SUCO: variants seen among roughly 807,000 people sequenced by gnomAD.
The protein encoded by SUCO is SUN domain containing ossification factor.
Under a neutral mutation model 148.1 loss-of-function variants are expected in SUCO, and 57 were observed. That is an observed-to-expected ratio of 0.38 (90% confidence interval 0.31 to 0.48). The LOEUF (loss-of-function observed/expected upper bound fraction) is 0.48. Ranked by LOEUF, SUCO falls within the 20% of genes least tolerant of loss-of-function variation. The pLI is 0.96. For missense variants in SUCO, 1,331 were observed against 1,468.2 expected (o/e 0.91, Z 1.53); for synonymous variants, 470 against 502.7 (o/e 0.93, Z 0.87).
intron 6 of SUCO, among the ~76,000 whole-genome samples, chr1:172,563,494 G>C (rs934033706): frequency 2.0e-5 from 3 of 152,186 alleles, no homozygotes; most frequent in African/African-American, 7.2e-5. Context: ...AAGGATCTGT[G>C]GGACTTTGAA....
At chr1:172,550,940 T>TA in intron 1 of SUCO, 1 of 889,322 alleles carries the variant, frequency 1.1e-6, no homozygotes, top group Non-Finnish European at 1.3e-6. Flanking sequence ...ATAATTGTGG[T>TA]ATATTTCTCC....
intron 19 of SUCO, among the ~76,000 whole-genome samples, chr1:172,596,799 C>T (rs532434085): frequency 6.6e-6 from 1 of 152,208 alleles, no homozygotes; most frequent in Non-Finnish European, 1.5e-5. Flanking sequence ...TGGAGAACCA[C>T]TACTCTCTTC....
At chr1:172,570,753 A>C in intron 9 of SUCO, 23 bp downstream of exon 9, 1 of 1,431,418 alleles carries the variant, frequency 7.0e-7, no homozygotes. Context: ...CAATTTTAAA[A>C]AGTACATTCT....
upstream of SUCO, chr1:172,532,811 A>G (rs990776533): frequency 1.9e-6 from 3 of 1,599,558 alleles, no homozygotes; most frequent in East Asian, 6.7e-5. Context: ...GGTCCACTGT[A>G]AGGGGAAATG....
In SUCO at chr1:172,573,921, A is replaced by G; in HGVS notation, c.1080A>G (p.Gln360=). Residue 360 remains glutamine, a synonymous_variant, in exon 10 of 24, where the codon CAA becomes CAG. Transcript: ENST00000263688. ...WFVIELCEPI[Q]VKQLDIANYE... is the part of the protein sequence containing the mutation. ...TTATTGAACTTTGTGAACCAATTCA[A>G]GTAAAACAGCTTGATATTGCAAATT... 6.2e-7 allele frequency: 1 copy of G among 1,601,114 alleles called. No individual in the cohort carries two copies. The highest frequency in any genetic ancestry group is 1.3e-5 in the African/African-American group (1 of 74,696).
At chr1:172,605,509 A>G (rs1041725595) in intron 22 of SUCO, among the ~76,000 whole-genome samples, 2 of 151,712 alleles carry the variant, frequency 1.3e-5, no homozygotes, top group African/African-American at 4.8e-5. Context: ...ATTTTGTGCC[A>G]TTGGTGTATT....
chr1:172,609,890 T>A lies in SUCO; in HGVS notation c.3396T>A (p.Asn1132Lys), dbSNP rs1009935035. ...KPEEPLHPIA[N>K]GDIKGRKPFT... Reference sequence around the variant, plus strand: ...AAGAACCATTGCACCCCATAGCCAATGGCGACATAAAAGGAAGAAAGCCCT... The same window carrying A: ...AAGAACCATTGCACCCCATAGCCAAAGGCGACATAAAAGGAAGAAAGCCCT... Residue 1132 changes from asparagine to lysine, a missense_variant, in exon 24 of 24, where the codon AAT (asparagine) becomes AAA (lysine). Asn to Lys is a moderately conservative substitution (Grantham distance 94). Around this residue, in one of 3 missense-constraint regions of SUCO, gnomAD observed 334 missense variants for 352.3 expected, o/e 0.95. Coordinates refer to ENST00000263688, the MANE Select transcript of SUCO (RefSeq NM_014283.5). 3.1e-6 allele frequency: 5 copies of A among 1,613,716 alleles called. No individual in the cohort carries two copies. The African/African-American group carries it at 5.3e-5, about 17-fold the overall frequency.
At chr1:172,590,207 T>C in intron 18 of SUCO, 2 of 422,312 alleles carry the variant, frequency 4.7e-6, no homozygotes, top group Non-Finnish European at 6.3e-6. Context: ...CTTTTTTCGG[T>C]TGCTTAACTT....
In SUCO at chr1:172,585,105, G is replaced by A. The variant is rs1014984077; in HGVS notation, c.1567+19G>A. On this transcript the variant is annotated intron_variant, in intron 16 of 23. Coordinates refer to ENST00000263688, the MANE Select transcript of SUCO (RefSeq NM_014283.5). ...ACAGAAGGTACCTAATCATTTTATG[G>A]GTCTTTTAAATAGCTGGTACTCCAG... 6.4e-7 allele frequency: 1 copy of A among 1,566,540 alleles called. No individual in the cohort carries two copies. The highest frequency in any genetic ancestry group is 8.7e-7 in the Non-Finnish European group (1 of 1,149,490).
At chr1:172,603,574 C>A (rs1657668915) in intron 22 of SUCO, among the ~76,000 whole-genome samples, 1 of 151,972 alleles carries the variant, frequency 6.6e-6, no homozygotes, top group Admixed American at 6.6e-5. Context: ...GCTAGTAAAT[C>A]TCTTCTTCCT....
intron 1 of SUCO, among the ~76,000 whole-genome samples, chr1:172,542,118 G>T (rs868095091): frequency 9.2e-5 from 14 of 152,134 alleles, no homozygotes; most frequent in African/African-American, 3.1e-4. Context: ...GGTGGCTTAT[G>T]CCTGTAATCC....
chr1:172,601,991 G>T, intron 20 of SUCO, 73 bp from the exon 21 acceptor site: 1 of 1,391,206 alleles, frequency 7.2e-7, no homozygotes, highest in Non-Finnish European at 9.6e-7. Context: ...TTTGTCCTTT[G>T]AATTTTAGAT....
In SUCO at chr1:172,588,123, G is replaced by A. The variant is rs1656366590; in HGVS notation, c.1659-637G>A. 10 of 985,120 alleles carry A rather than the reference G, an allele frequency of 1.0e-5. No homozygotes were observed. In the South Asian group the frequency reaches 3.8e-4, roughly 37 times the overall value. 61.0% of individuals were successfully genotyped at this position (985,120 alleles called of 1,614,324 possible). On this transcript the variant is annotated intron_variant, in intron 17 of 23. Coordinates refer to ENST00000263688, the MANE Select transcript of SUCO (RefSeq NM_014283.5). ...ATGATAGCAAAATTATTTTAGGAAG[G>A]GAGATATGTTTCTTGTCCTTAAAGT... is the stretch of plus-strand genomic sequence containing the variant.
intron 6 of SUCO, among the ~76,000 whole-genome samples, chr1:172,563,827 G>T (rs1571217363): frequency 6.6e-6 from 1 of 152,312 alleles, no homozygotes; most frequent in African/African-American, 2.4e-5. Flanking sequence ...CTTCATGGCA[G>T]CCCCTCCCAT....
rs1464476552 is a variant in SUCO at position 172,597,211 on chromosome 1, G to A, written c.2914-2853G>A. ...CACAGCTTCCCTTGGCTAGGAAAGG[G>A]AATTCCCTCACCCTTGCACTTCCCG... On this transcript the variant is annotated intron_variant, in intron 19 of 23. Transcript: ENST00000263688. Among the ~76,000 whole-genome samples the A allele has an allele frequency of 2.6e-5, 4 of 152,370 alleles. No homozygotes were observed. In the East Asian group the frequency reaches 7.7e-4, roughly 29 times the overall value.
At chr1:172,600,562 A>G (rs917188861) in intron 20 of SUCO, among the ~76,000 whole-genome samples, 9 of 152,144 alleles carry the variant, frequency 5.9e-5, no homozygotes, top group African/African-American at 1.9e-4. Context: ...GTACACTCCT[A>G]GGTTGTGGTA....
At position 172,570,161 on chromosome 1, in the gene SUCO, C is replaced by T; in HGVS notation, c.971C>T (p.Pro324Leu). ...GGTGCCAAAATTCTAGCAGCTAATC[C>T]AGAAGCCAAGGTAGGTGTTTAAATA... ...ECGAKILAAN[P>L]EAKSTSAILI... Residue 324 changes from proline (P) to leucine (L), a missense_variant, in exon 8 of 24, where the codon CCA becomes CTA. Around this residue, in one of 3 missense-constraint regions of SUCO, gnomAD observed 992 missense variants for 1,093.5 expected, o/e 0.91. Coordinates refer to ENST00000263688, the MANE Select transcript of SUCO (RefSeq NM_014283.5). 1 of 1,576,336 alleles carries T rather than the reference C, an allele frequency of 6.3e-7. No individual in the cohort carries two copies. The highest frequency in any genetic ancestry group is 1.2e-5 in the South Asian group (1 of 83,440).
In SUCO at chr1:172,569,016, C is replaced by T. The variant is rs766683224; in HGVS notation, c.733-3C>T. Reference sequence around the variant, plus strand: ...TCTTCTTACTTTTTGGTGTTTCTTTCAGAGCTCTGATTATACAAAACCAGG... The same window carrying T: ...TCTTCTTACTTTTTGGTGTTTCTTTTAGAGCTCTGATTATACAAAACCAGG... On this transcript the variant is annotated splice_polypyrimidine_tract_variant and splice_region_variant and intron_variant, in intron 6 of 23. Transcript: ENST00000263688. The T allele has an allele frequency of 3.8e-6, 6 of 1,559,246 alleles. No individual in the cohort carries two copies. The Admixed American group carries it at 1.3e-4, about 35-fold the overall frequency.
At chr1:172,547,580 C>T (rs1652958109) in intron 1 of SUCO, among the ~76,000 whole-genome samples, 1 of 152,036 alleles carries the variant, frequency 6.6e-6, no homozygotes, top group African/African-American at 2.4e-5. Flanking sequence ...ACATAAGAAC[C>T]ATATTATTTA....
Sources: gnomAD v4.1 joint callset for allele counts (sites outside exome capture counted in the v4.1 genomes callset) on GRCh38, gnomAD v4.1.1 for gene constraint, gnomAD v4.1.1 regional missense constraint, MANE v1.5 for transcripts, NCBI Gene and HGNC (gene_info 2026-07-23, HGNC 2026-07-21) for gene names.